Variants in ADAMTS6 observed in about 807,000 individuals in gnomAD.
The protein encoded by ADAMTS6 is ADAM metallopeptidase with thrombospondin type 1 motif 6, also known as A disintegrin and metalloproteinase with thrombospondin motifs 6.
Under a neutral mutation model 144.3 loss-of-function variants are expected in ADAMTS6, and 23 were observed. The observed-to-expected ratio is 0.16, with a 90% CI of 0.11 to 0.23. The LOEUF (loss-of-function observed/expected upper bound fraction) is 0.23, where lower values mean the gene tolerates loss of function less well. Ranked by LOEUF, ADAMTS6 falls within the 10% of genes least tolerant of loss-of-function variation. ADAMTS6 has a pLI of 1.00. For synonymous variants in ADAMTS6, 444 were observed against 457.5 expected, an observed-to-expected ratio of 0.97 and a Z score of 0.38; for missense variants, 999 against 1,379.6, an observed-to-expected ratio of 0.72 and a Z score of 4.37.
chr5:65,188,773 T>C lies in ADAMTS6; in HGVS notation c.2706-553A>G, dbSNP rs142692768. ...ATACTAGCTGGCTCCAGCACACCACTGAATGCTTCTAACATAGTGTCTGTC... is the reference window on the plus strand; with the variant it reads ...ATACTAGCTGGCTCCAGCACACCACCGAATGCTTCTAACATAGTGTCTGTC... On this transcript the variant is annotated intron_variant, in intron 21 of 24. Coordinates refer to ENST00000381055, the MANE Select transcript of ADAMTS6 (RefSeq NM_197941.4). 5.8e-3 allele frequency among the ~76,000 whole-genome samples: 877 copies of C among 152,350 alleles called. 13 individuals carry two copies. Among genetic ancestry groups the C allele is most frequent in the African/African-American group, 0.02 (850 of 41,574 alleles).
At chr5:65,166,663 A>G (rs1392811887) in intron 24 of ADAMTS6, among the ~76,000 whole-genome samples, 1 of 89,720 alleles carries the variant, frequency 1.1e-5, no homozygotes, top group East Asian at 3.0e-4. Flanking sequence ...GTAAAAGAAC[A>G]GAAATTATAA....
At chr5:65,244,348 A>T (rs1173331952) in intron 14 of ADAMTS6, among the ~76,000 whole-genome samples, 1 of 152,142 alleles carries the variant, frequency 6.6e-6, no homozygotes, top group Non-Finnish European at 1.5e-5. Context: ...TGAATTAAAA[A>T]ACTAAGACAT....
intron 3 of ADAMTS6, among the ~76,000 whole-genome samples, chr5:65,466,389 C>A (rs193294777): frequency 5.9e-4 from 90 of 152,348 alleles, no homozygotes; most frequent in African/African-American, 2.0e-3. Flanking sequence ...GCATTTCCTT[C>A]CTCCTTTCCC....
chr5:65,481,414 TCC>T lies in ADAMTS6; in HGVS notation c.-353_-352del, dbSNP rs1761193365. 1.3e-5 allele frequency: 2 copies of T among 152,192 alleles called. No homozygotes were observed. Among genetic ancestry groups the T allele is most frequent in the East Asian group, 3.9e-4 (2 of 5,172 alleles). 9.4% of individuals were successfully genotyped at this position (152,192 alleles called of 1,614,324 possible). A position where few individuals can be genotyped will look rare whatever the true frequency, so the allele number is the denominator to read the frequency against. Reference sequence around the variant, plus strand: ...AGATTGCACTGGACGACTCACGTACTCCCTCTCCTCTCTAACTTTTTTTAATT... The same window carrying T: ...AGATTGCACTGGACGACTCACGTACTCTCTCCTCTCTAACTTTTTTTAATT... On this transcript the variant is annotated 5_prime_UTR_variant, in exon 1 of 25. Coordinates refer to ENST00000381055, the MANE Select transcript of ADAMTS6 (RefSeq NM_197941.4).
Sources: gnomAD v4.1 joint callset for allele counts (sites outside exome capture counted in the v4.1 genomes callset) on GRCh38, gnomAD v4.1.1 for gene constraint, MANE v1.5 for transcripts, NCBI Gene and HGNC (gene_info 2026-07-23, HGNC 2026-07-21) for gene names.